Variants in ENTPD1 observed in about 807,000 individuals in gnomAD.
ENTPD1 encodes the protein ectonucleoside triphosphate diphosphohydrolase 1.
Under a neutral mutation model 57.0 loss-of-function variants are expected in ENTPD1, and 33 were observed. The observed-to-expected ratio is 0.58, with a 90% confidence interval of 0.44 to 0.77. The LOEUF is 0.77. Among genes scored for constraint, ENTPD1 ranks in the 30% least tolerant of loss-of-function variants. The pLI is 0.00. For missense variants in ENTPD1, 501 were observed against 603.4 expected (o/e 0.83, Z 1.78); for synonymous variants, 202 against 218.8 (o/e 0.92, Z 0.68).
rs1555303223 is a variant in ENTPD1 at position 95,845,563 on chromosome 10, G to C, written c.780G>C (p.Gln260His). 1 of 1,614,206 alleles carries C rather than the reference G, an allele frequency of 6.2e-7. No individual in the cohort carries two copies. The highest frequency in any genetic ancestry group is 8.5e-7 in the Non-Finnish European group (1 of 1,180,046). The change falls in exon 6 of 10, where the codon CAG becomes CAC. Residue 260 changes from glutamine to histidine, a missense_variant. Gln to His is a conservative substitution (Grantham distance 24, BLOSUM62 0). Transcript: ENST00000371205. ...GCTTCTTGTGCTATGGGAAGGATCAGGCACTCTGGCAGAAACTGGCCAAGG... is the reference window on the plus strand; with the variant it reads ...GCTTCTTGTGCTATGGGAAGGATCACGCACTCTGGCAGAAACTGGCCAAGG... ...THSFLCYGKD[Q>H]ALWQKLAKDI...
At chr10:95,746,105 C>G (rs536096723) in intron 1 of ENTPD1, among the ~76,000 whole-genome samples, 1 of 152,112 alleles carries the variant, frequency 6.6e-6, no homozygotes, top group African/African-American at 2.4e-5. Context: ...CTTCAAGTAC[C>G]GTTAGGTTAC....
At chr10:95,744,245 T>C (rs1268578037) in intron 1 of ENTPD1, among the ~76,000 whole-genome samples, 1 of 151,950 alleles carries the variant, frequency 6.6e-6, no homozygotes, top group Non-Finnish European at 1.5e-5. Flanking sequence ...CCAGTATACA[T>C]GTATAGTGGT....
intron 1 of ENTPD1, among the ~76,000 whole-genome samples, chr10:95,777,613 G>C (rs1426559528): frequency 6.6e-6 from 1 of 152,256 alleles, no homozygotes; most frequent in East Asian, 1.9e-4. Context: ...GGGGGTCAGA[G>C]ACCCACTTGA....
At chr10:95,739,055 A>G (rs564616827) in intron 1 of ENTPD1, among the ~76,000 whole-genome samples, 1 of 152,356 alleles carries the variant, frequency 6.6e-6, no homozygotes, top group Non-Finnish European at 1.5e-5. Flanking sequence ...GTGCAATAGC[A>G]TTATTTGCAA....
At chr10:95,743,311 A>G (rs1480533109) in intron 1 of ENTPD1, among the ~76,000 whole-genome samples, 1 of 152,186 alleles carries the variant, frequency 6.6e-6, no homozygotes, top group African/African-American at 2.4e-5. Flanking sequence ...TACCAAGGAT[A>G]TGTGTTATCA....
In ENTPD1 at chr10:95,873,021, A is replaced by G; in HGVS notation, c.*6638A>G. 1 of 975,932 alleles carries G rather than the reference A, an allele frequency of 1.0e-6. No individual in the cohort carries two copies. 60.5% of individuals were successfully genotyped at this position (975,932 alleles called of 1,614,324 possible). ...ATGCATCTCAAAATTTAATGTACATACAAATTACCCAGGGATTTTGTTGAA... is the reference window on the plus strand; with the variant it reads ...ATGCATCTCAAAATTTAATGTACATGCAAATTACCCAGGGATTTTGTTGAA... On this transcript the variant is annotated 3_prime_UTR_variant, in exon 10 of 10. Coordinates refer to ENST00000371205, the MANE Select transcript of ENTPD1 (RefSeq NM_001776.6).
In ENTPD1 at chr10:95,866,806, C is replaced by T. The variant is rs1214171188; in HGVS notation, c.*423C>T. Reference sequence around the variant, plus strand: ...TTGTACTCTTTAAGAACCCCTTTCTCTCTCCTGTTTGCCATCCATTAAGAA... The same window carrying T: ...TTGTACTCTTTAAGAACCCCTTTCTTTCTCCTGTTTGCCATCCATTAAGAA... On this transcript the variant is annotated 3_prime_UTR_variant, in exon 10 of 10. Coordinates refer to ENST00000371205, the MANE Select transcript of ENTPD1 (RefSeq NM_001776.6). The T allele has an allele frequency of 9.5e-6, 10 of 1,055,870 alleles. No homozygotes were observed. Among genetic ancestry groups the T allele is most frequent in the Non-Finnish European group, 1.1e-5 (10 of 872,158 alleles). 65.4% of individuals were successfully genotyped at this position (1,055,870 alleles called of 1,614,324 possible). A position where few individuals can be genotyped will look rare whatever the true frequency, so the allele number is the denominator to read the frequency against.
At position 95,765,307 on chromosome 10, in the gene ENTPD1, C is replaced by T. The variant is rs1223142550; in HGVS notation, c.16+9052C>T. Reference sequence around the variant, plus strand: ...ATACATCTATATTTTCTTCAAAGAGCTACATAGTTTTAGCCCTTGCATTTA... The same window carrying T: ...ATACATCTATATTTTCTTCAAAGAGTTACATAGTTTTAGCCCTTGCATTTA... On this transcript the variant is annotated intron_variant, in intron 1 of 9. Transcript: ENST00000371205. Among the ~76,000 whole-genome samples the T allele has an allele frequency of 7.2e-5, 11 of 152,266 alleles. No individual in the cohort carries two copies. In the East Asian group the frequency reaches 2.1e-3, roughly 29 times the overall value.
chr10:95,775,192 T>C (rs1478096127), intron 1 of ENTPD1, among the ~76,000 whole-genome samples: 1 of 152,270 alleles, frequency 6.6e-6, no homozygotes, highest in Non-Finnish European at 1.5e-5. Context: ...CCTGAGACTT[T>C]GCTGAAGTTG....
chr10:95,862,828 A>G (rs2098467551), intron 8 of ENTPD1, among the ~76,000 whole-genome samples: 1 of 152,338 alleles, frequency 6.6e-6, no homozygotes, highest in Non-Finnish European at 1.5e-5. Context: ...GGATCCTCAC[A>G]TTCAGCCTCA....
chr10:95,864,499 T>G (rs1279937303), intron 8 of ENTPD1, among the ~76,000 whole-genome samples: 2 of 152,188 alleles, frequency 1.3e-5, no homozygotes, highest in Non-Finnish European at 2.9e-5. Flanking sequence ...TATTATCTCA[T>G]AGAAGCCTGT....
chr10:95,815,441 T>C (rs551826843), intron 1 of ENTPD1, among the ~76,000 whole-genome samples: 1 of 152,304 alleles, frequency 6.6e-6, no homozygotes, highest in East Asian at 1.9e-4. Flanking sequence ...GGTAGGACAT[T>C]GGTATCCTCA....
At chr10:95,709,752 G>T (rs905842833), upstream of ENTPD1, among the ~76,000 whole-genome samples, 5 of 135,208 alleles carry the variant, frequency 3.7e-5, no homozygotes, top group African/African-American at 1.0e-4. Flanking sequence ...AGTGTTTTTT[G>T]TTGTTGTTTG....
Position 95,876,400 on chromosome 10 carries a change from A to G in ENTPD1, c.*10017A>G. On this transcript the variant is annotated 3_prime_UTR_variant, in exon 10 of 10. Coordinates refer to ENST00000371205, the MANE Select transcript of ENTPD1 (RefSeq NM_001776.6). ...AATTCTAAGTTTTTCTTGATGGTAA[A>G]TCATAATGTTCCCTTTCTCCTCGGT... The G allele has an allele frequency of 8.1e-7, 1 of 1,231,414 alleles. No individual in the cohort carries two copies. Among genetic ancestry groups the G allele is most frequent in the Non-Finnish European group, 1.0e-6 (1 of 987,782 alleles). 76.3% of individuals were successfully genotyped at this position (1,231,414 alleles called of 1,614,324 possible).
intron 7 of ENTPD1, among the ~76,000 whole-genome samples, chr10:95,848,234 G>T (rs1360421157): frequency 1.3e-5 from 2 of 152,158 alleles, no homozygotes; most frequent in African/African-American, 4.8e-5. Context: ...TGTCCCCAGG[G>T]ATATCTCCCT....
intron 4 of ENTPD1, 33 bp downstream of exon 4, chr10:95,842,527 G>T: frequency 6.2e-7 from 1 of 1,602,584 alleles, no homozygotes; most frequent in South Asian, 1.1e-5. Context: ...AGAGTATCTG[G>T]GAGTTAGGCT....
chr10:95,781,021 G>T (rs1193004083), intron 1 of ENTPD1, among the ~76,000 whole-genome samples: 1 of 152,098 alleles, frequency 6.6e-6, no homozygotes, highest in Admixed American at 6.6e-5. Flanking sequence ...AGTGTCCATC[G>T]ACAGATGAAT....
At chr10:95,721,817 G>C (rs1197925684) in intron 1 of ENTPD1, among the ~76,000 whole-genome samples, 1 of 152,048 alleles carries the variant, frequency 6.6e-6, no homozygotes, top group Non-Finnish European at 1.5e-5. Context: ...TCTGCTTATC[G>C]GGTTAGTTAC....
Position 95,872,538 on chromosome 10 carries a change from CT to C in ENTPD1, c.*6157del. ...TCCAAATTTCCAAGTCAGAATGTCT[CT>C]TCCTTGTGCTACCACAACCCTTTAA... is the stretch of plus-strand genomic sequence containing the variant. On this transcript the variant is annotated 3_prime_UTR_variant, in exon 10 of 10. Coordinates refer to ENST00000371205, the MANE Select transcript of ENTPD1 (RefSeq NM_001776.6). 1 of 985,184 alleles carries C rather than the reference CT, an allele frequency of 1.0e-6. No homozygotes were observed. Among genetic ancestry groups the C allele is most frequent in the Non-Finnish European group, 1.2e-6 (1 of 829,678 alleles). The allele number at this position is 985,184 out of a possible 1,614,324, so 61.0% of individuals were successfully genotyped here.
Sources: gnomAD v4.1 joint callset for allele counts (sites outside exome capture counted in the v4.1 genomes callset) on GRCh38, gnomAD v4.1.1 for gene constraint, MANE v1.5 for transcripts, NCBI Gene and HGNC (gene_info 2026-07-23, HGNC 2026-07-21) for gene names.